The following AKR1C8 variants were observed in gnomAD, a reference collection of about 807,000 sequenced individuals.
AKR1C8 encodes the protein aldo-keto reductase family 1 member C-like protein 1.
the AKR1C8 span, among the ~76,000 whole-genome samples, chr10:5,143,179 C>G: frequency 4.6e-5 from 7 of 152,040 alleles, no homozygotes; most frequent in Non-Finnish European, 1.0e-4. Flanking sequence ...ATATGGGAAA[C>G]AACCCTTCTA....
the AKR1C8 span, among the ~76,000 whole-genome samples, chr10:5,175,112 TC>T: frequency 1.0e-5 from 1 of 97,894 alleles, no homozygotes; most frequent in Admixed American, 1.1e-4. Flanking sequence ...ATGCTATCCC[TC>T]CCCCCTCCCC....
chr10:5,150,913 A>AC, the AKR1C8 span, among the ~76,000 whole-genome samples: 1 of 152,156 alleles, frequency 6.6e-6, no homozygotes, highest in African/African-American at 2.4e-5. Flanking sequence ...ATTAATTCAC[A>AC]CTGTTCCAGG....
At chr10:5,137,588 G>A in the AKR1C8 span, among the ~76,000 whole-genome samples, 2 of 152,034 alleles carry the variant, frequency 1.3e-5, no homozygotes, top group African/African-American at 2.4e-5. Context: ...TAGGTAATAA[G>A]AGCTATTTAT....
the AKR1C8 span, among the ~76,000 whole-genome samples, chr10:5,171,380 T>G: frequency 1.3e-5 from 2 of 152,070 alleles, no homozygotes; most frequent in Non-Finnish European, 2.9e-5. Flanking sequence ...TTATTACTGA[T>G]AATACACACT....
chr10:5,165,772 C>T, the AKR1C8 span, among the ~76,000 whole-genome samples: 24 of 152,124 alleles, frequency 1.6e-4, no homozygotes, highest in South Asian at 2.5e-3. Flanking sequence ...TAAAACAGTC[C>T]CTTCATTAAA....
the AKR1C8 span, among the ~76,000 whole-genome samples, chr10:5,131,864 G>A: frequency 6.6e-6 from 1 of 151,954 alleles, no homozygotes; most frequent in South Asian, 2.1e-4. Context: ...AGAAAAGCTT[G>A]CATGAAAAAG....
At chr10:5,142,417 A>G in the AKR1C8 span, among the ~76,000 whole-genome samples, 2 of 152,172 alleles carry the variant, frequency 1.3e-5, no homozygotes, top group South Asian at 4.1e-4. Context: ...CTTGGCTAAT[A>G]ATTAACACAA....
At chr10:5,117,235 T>G in the AKR1C8 span, among the ~76,000 whole-genome samples, 2 of 152,092 alleles carry the variant, frequency 1.3e-5, no homozygotes, top group African/African-American at 4.8e-5. Flanking sequence ...TAAATGTTAG[T>G]TTCCTGAGCC....
chr10:5,156,568 T>C, the AKR1C8 span, among the ~76,000 whole-genome samples: 90 of 100,264 alleles, frequency 9.0e-4, no homozygotes, highest in Middle Eastern at 4.4e-3. Context: ...TATTTATCTC[T>C]TTCTCTATAT....
the AKR1C8 span, among the ~76,000 whole-genome samples, chr10:5,178,052 G>A: frequency 2.0e-5 from 3 of 152,128 alleles, no homozygotes; most frequent in Admixed American, 2.0e-4. Flanking sequence ...TGCTTTTCTA[G>A]TTCTTTTAAT....
the AKR1C8 span, among the ~76,000 whole-genome samples, chr10:5,136,231 C>T: frequency 1.3e-5 from 2 of 152,100 alleles, no homozygotes; most frequent in African/African-American, 2.4e-5. Context: ...TTACTTGTGT[C>T]TCTCTTTGGA....
At chr10:5,170,946 GTAAAC>G in the AKR1C8 span, among the ~76,000 whole-genome samples, 1 of 152,206 alleles carries the variant, frequency 6.6e-6, no homozygotes, top group East Asian at 1.9e-4. Flanking sequence ...GTTTATGGGA[GTAAAC>G]TAAATTGTTA....
chr10:5,130,540 C>T, the AKR1C8 span, among the ~76,000 whole-genome samples: 1 of 151,814 alleles, frequency 6.6e-6, no homozygotes, highest in Non-Finnish European at 1.5e-5. Flanking sequence ...AAGACTCATC[C>T]AAAAGTCTCC....
the AKR1C8 span, among the ~76,000 whole-genome samples, chr10:5,183,596 C>G: frequency 2.0e-5 from 3 of 151,266 alleles, no homozygotes; most frequent in African/African-American, 7.3e-5. Context: ...AACTACTGTT[C>G]CCCACATGAC....
the AKR1C8 span, among the ~76,000 whole-genome samples, chr10:5,127,616 G>A: frequency 0.43 from 59,404 of 137,436 alleles, 12,475 homozygotes; most frequent in Non-Finnish European, 0.46. Flanking sequence ...CTACTCAGGA[G>A]CCTGAGTCAG....
the AKR1C8 span, chr10:5,160,717 C>T: frequency 2.4e-6 from 1 of 420,358 alleles, no homozygotes; most frequent in Admixed American, 3.0e-5. Flanking sequence ...TGAGGTCAGA[C>T]AACTGCTGGA....
chr10:5,179,879 A>AT, the AKR1C8 span, among the ~76,000 whole-genome samples: 2 of 151,918 alleles, frequency 1.3e-5, no homozygotes, highest in African/African-American at 4.8e-5. Flanking sequence ...ATTCATCTAA[A>AT]TTTTTTTCAA....
chr10:5,160,667 TCACAGATGAGAA>T, the AKR1C8 span: 1 of 369,738 alleles, frequency 2.7e-6, no homozygotes, highest in East Asian at 7.4e-5. Flanking sequence ...CTCTCTCACT[TCACAGATGAGAA>T]CACAGAGGCA....
the AKR1C8 span, among the ~76,000 whole-genome samples, chr10:5,138,028 T>C: frequency 0.87 from 131,713 of 151,022 alleles, 57,712 homozygotes; most frequent in African/African-American, 0.96. Flanking sequence ...ACAAAGATCA[T>C]AAGGCAAAGG....
Sources: allele counts gnomAD v4.1 joint callset (sites outside exome capture counted in the v4.1 genomes callset), GRCh38; gene constraint gnomAD v4.1.1; transcripts MANE v1.5; gene names NCBI Gene and HGNC (gene_info 2026-07-23, HGNC 2026-07-21).